Variants in SH3PXD2B observed in about 807,000 individuals in gnomAD.
SH3PXD2B encodes SH3 and PX domains 2B.
In SH3PXD2B, 37 loss-of-function variants were observed where a neutral mutation model predicts 73.1. The ratio of observed to expected loss-of-function variants is 0.51; its 90% CI spans 0.39 to 0.67. The LOEUF (loss-of-function observed/expected upper bound fraction) is 0.67, where lower values mean the gene tolerates loss of function less well. SH3PXD2B is among the 30% of genes least tolerant of loss of function. The probability of loss-of-function intolerance (pLI) is 0.00; values close to 1 mark genes in which losing one functional copy is unlikely to be tolerated. For missense variants in SH3PXD2B, 1,053 were observed against 1,197.8 expected, an observed-to-expected ratio of 0.88 and a Z score of 1.78; for synonymous variants, 457 against 480.5, an observed-to-expected ratio of 0.95 and a Z score of 0.64.
intron 3 of SH3PXD2B, among the ~76,000 whole-genome samples, chr5:172,399,334 G>A (rs187063273): frequency 1.1e-4 from 17 of 152,264 alleles, no homozygotes; most frequent in African/African-American, 4.1e-4. Flanking sequence ...CTACAAACAA[G>A]CTTATTTCTA....
chr5:172,392,579 C>T (rs1445922087), intron 4 of SH3PXD2B, among the ~76,000 whole-genome samples: 2 of 151,068 alleles, frequency 1.3e-5, no homozygotes, highest in Non-Finnish European at 2.9e-5. Context: ...TGAGACCAGC[C>T]TGGCCAACAT....
intron 1 of SH3PXD2B, among the ~76,000 whole-genome samples, chr5:172,431,089 A>G (rs1561579594): frequency 6.6e-6 from 1 of 152,054 alleles, no homozygotes; most frequent in Non-Finnish European, 1.5e-5. Context: ...CTGGTCTCGA[A>G]CTTCTGGTCT....
chr5:172,333,576 T>G lies in SH3PXD2B; in HGVS notation c.*4793A>C. On this transcript the variant is annotated 3_prime_UTR_variant, in exon 13 of 13. Transcript: ENST00000311601. ...AAAGGAAAGAAGTCAAATGGTAAAG[T>G]ATATAGCCTACACATGCTACAGCTA... 2 of 1,238,746 alleles carry G rather than the reference T, an allele frequency of 1.6e-6. No homozygotes were observed. The highest frequency in any genetic ancestry group is 1.4e-5 in the South Asian group (1 of 72,672). The allele number at this position is 1,238,746 out of a possible 1,614,324, so 76.7% of individuals were successfully genotyped here. A position where few individuals can be genotyped will look rare whatever the true frequency, so the allele number is the denominator to read the frequency against.
intron 1 of SH3PXD2B, among the ~76,000 whole-genome samples, chr5:172,439,688 G>GCACACACACACACA (rs1166130299): frequency 3.9e-4 from 41 of 104,218 alleles, no homozygotes; most frequent in Admixed American, 1.1e-3. Flanking sequence ...GCGCGCACGC[G>GCACACACACACACA]CGCGCACACA....
At chr5:172,376,209 A>C (rs1301330502) in intron 5 of SH3PXD2B, among the ~76,000 whole-genome samples, 1 of 151,882 alleles carries the variant, frequency 6.6e-6, no homozygotes, top group Non-Finnish European at 1.5e-5. Context: ...TTGTATTTTT[A>C]GTAGAGACGG....
intron 1 of SH3PXD2B, among the ~76,000 whole-genome samples, chr5:172,441,837 GGGA>G (rs973627211): frequency 3.5e-4 from 53 of 152,118 alleles, no homozygotes; most frequent in African/African-American, 1.1e-3. Context: ...GGTGTCATAG[GGGA>G]GGAGAAGGGA....
At position 172,335,202 on chromosome 5, in the gene SH3PXD2B, G is replaced by C. The variant is rs1010836226; in HGVS notation, c.*3167C>G. On this transcript the variant is annotated 3_prime_UTR_variant, in exon 13 of 13. Transcript: ENST00000311601. ...CGTTTGCCCTGGGATGTAAGGTAAAGTAGTTGTCACAATTGTGTTAATAAG... is the reference window on the plus strand; with the variant it reads ...CGTTTGCCCTGGGATGTAAGGTAAACTAGTTGTCACAATTGTGTTAATAAG... The C allele has an allele frequency of 3.0e-6, 3 of 1,010,008 alleles. No individual in the cohort carries two copies. The African/African-American group carries it at 5.2e-5, about 17-fold the overall frequency. The allele number at this position is 1,010,008 out of a possible 1,614,324, so 62.6% of individuals were successfully genotyped here. A position where few individuals can be genotyped will look rare whatever the true frequency, so the allele number is the denominator to read the frequency against.
chr5:172,422,916 G>T (rs1387329259), intron 1 of SH3PXD2B, among the ~76,000 whole-genome samples: 2 of 152,176 alleles, frequency 1.3e-5, no homozygotes, highest in Non-Finnish European at 2.9e-5. Context: ...CCACAGGCCA[G>T]CCCATCATGC....
In SH3PXD2B at chr5:172,362,728, T is replaced by A; in HGVS notation, c.562+7A>T. Reference sequence around the variant, plus strand: ...TAGTGGGAGAGGGAGATGGTCTAGGTCCCCACCTGACTCATTCTTCTCGAT... The same window carrying A: ...TAGTGGGAGAGGGAGATGGTCTAGGACCCCACCTGACTCATTCTTCTCGAT... On this transcript the variant is annotated splice_region_variant and intron_variant, in intron 7 of 12. Coordinates refer to ENST00000311601, the MANE Select transcript of SH3PXD2B (RefSeq NM_001017995.3). The A allele has an allele frequency of 1.2e-6, 2 of 1,613,804 alleles. No individual in the cohort carries two copies. Among genetic ancestry groups the A allele is most frequent in the Non-Finnish European group, 1.7e-6 (2 of 1,179,956 alleles).
At chr5:172,326,857 A>ATTTT (rs1175095358) in intron 12 of SH3PXD2B, among the ~76,000 whole-genome samples, 21 of 135,612 alleles carry the variant, frequency 1.5e-4, no homozygotes, top group African/African-American at 4.3e-4. Flanking sequence ...ATGTCTCAAG[A>ATTTT]TTTTTTTTTT....
In SH3PXD2B at chr5:172,454,319, C is replaced by G; in HGVS notation, c.34G>C (p.Val12Leu). 2 of 1,594,604 alleles carry G rather than the reference C, an allele frequency of 1.3e-6. No individual in the cohort carries two copies. Among genetic ancestry groups the G allele is most frequent in the Non-Finnish European group, 1.7e-6 (2 of 1,173,716 alleles). Residue 12 changes from valine to leucine, a missense_variant, in exon 1 of 13, where the codon GTG (valine) becomes CTG (leucine). Val to Leu is a conservative substitution (Grantham distance 32). Transcript: ENST00000311601. ...ACCCGCCGCTTCTGCACGTCTAGCA[C>G]CTTCACCTCCACGATGCTGCGCCGC... ...PPRRSIVEVK[V>L]LDVQKRRVPN...
At chr5:172,381,785 G>A (rs1018304985) in intron 5 of SH3PXD2B, among the ~76,000 whole-genome samples, 13 of 152,168 alleles carry the variant, frequency 8.5e-5, no homozygotes, top group African/African-American at 1.7e-4. Flanking sequence ...GACACACCTC[G>A]ATAAGTGCTG....
At chr5:172,352,748 C>T (rs1220659794) in intron 9 of SH3PXD2B, among the ~76,000 whole-genome samples, 1 of 152,174 alleles carries the variant, frequency 6.6e-6, no homozygotes, top group African/African-American at 2.4e-5. Context: ...TTTTCTCTTG[C>T]CGATGCTATG....
rs1266319397 is a variant in SH3PXD2B at position 172,335,230 on chromosome 5, G to A, written c.*3139C>T. The A allele has an allele frequency of 9.6e-7, 1 of 1,043,690 alleles. No individual in the cohort carries two copies. Among genetic ancestry groups the A allele is most frequent in the African/African-American group, 1.7e-5 (1 of 59,492 alleles). 64.7% of individuals were successfully genotyped at this position (1,043,690 alleles called of 1,614,324 possible). A position where few individuals can be genotyped will look rare whatever the true frequency, so the allele number is the denominator to read the frequency against. On this transcript the variant is annotated 3_prime_UTR_variant, in exon 13 of 13. Transcript: ENST00000311601. ...GTTGTCACAATTGTGTTAATAAGCA[G>A]GGGTGAGGGGAAGAAAAAAAAATCT...
rs1012574822 is a variant in SH3PXD2B at position 172,397,782 on chromosome 5, T to A, written c.233-3143A>T. Among the ~76,000 whole-genome samples, 4 of 152,328 alleles carry A rather than the reference T, an allele frequency of 2.6e-5. No individual in the cohort carries two copies. The East Asian group carries it at 7.7e-4, about 29-fold the overall frequency. On this transcript the variant is annotated intron_variant, in intron 3 of 12. Coordinates refer to ENST00000311601, the MANE Select transcript of SH3PXD2B (RefSeq NM_001017995.3). ...GCACAATGGGGGGCTGAAATTAATA[T>A]TCCACGTAACTCTTATAGTGCTCCC... is the stretch of plus-strand genomic sequence containing the variant.
intron 6 of SH3PXD2B, among the ~76,000 whole-genome samples, chr5:172,367,949 T>C (rs2569239): frequency 0.77 from 116,831 of 152,162 alleles, 45,856 homozygotes; most frequent in African/African-American, 0.94. Flanking sequence ...TGGACTATCT[T>C]TGGGATTTGA....
chr5:172,419,340 T>C (rs871574), intron 2 of SH3PXD2B, among the ~76,000 whole-genome samples: 76,958 of 151,796 alleles, frequency 0.51, 21,308 homozygotes, highest in African/African-American at 0.72. Context: ...CGCTTCTCAT[T>C]AAATCTCTTC....
In SH3PXD2B at chr5:172,338,814, G is replaced by A. The variant is rs200957245; in HGVS notation, c.2291C>T (p.Pro764Leu). The part of the protein sequence containing the change: ...RPVVPPRRPP[P>L]PKKTSSSSRP... Reference sequence around the variant, plus strand: ...GGATGACGAAGAGGTTTTCTTTGGGGGAGGTGGTCTGCGGGGTGGGACCAC... The same window carrying A: ...GGATGACGAAGAGGTTTTCTTTGGGAGAGGTGGTCTGCGGGGTGGGACCAC... Residue 764 changes from proline (P) to leucine (L), a missense_variant, in exon 13 of 13, where the codon CCC becomes CTC. Pro to Leu is a moderately conservative substitution (Grantham distance 98). This residue lies in a region of SH3PXD2B where 587 missense variants were observed against 590.7 expected (regional missense o/e 0.99). Coordinates refer to ENST00000311601, the MANE Select transcript of SH3PXD2B (RefSeq NM_001017995.3). The surrounding 1 kb of genome is among the most constrained non-coding windows in gnomAD (Gnocchi z 5.1). The A allele has an allele frequency of 1.2e-6, 2 of 1,614,180 alleles. No homozygotes were observed. Among genetic ancestry groups the A allele is most frequent in the East Asian group, 4.5e-5 (2 of 44,880 alleles).
chr5:172,344,241 C>T (rs897962650), intron 12 of SH3PXD2B, among the ~76,000 whole-genome samples: 1 of 152,046 alleles, frequency 6.6e-6, no homozygotes, highest in African/African-American at 2.4e-5. Flanking sequence ...TTGCAATGAG[C>T]CAGGAAGCAA....
Sources: allele counts gnomAD v4.1 joint callset (sites outside exome capture counted in the v4.1 genomes callset), GRCh38; gene constraint gnomAD v4.1.1; regional missense constraint gnomAD v4.1.1; non-coding constraint Gnocchi (gnomAD v3.1); transcripts MANE v1.5; gene names NCBI Gene and HGNC (gene_info 2026-07-23, HGNC 2026-07-21).